The following KDM5A variants were observed in gnomAD, a reference collection of about 807,000 sequenced individuals.
KDM5A encodes the protein lysine demethylase 5A.
Under a neutral mutation model 193.5 loss-of-function variants are expected in KDM5A, and 42 were observed. The ratio of observed to expected loss-of-function variants is 0.22; its 90% confidence interval spans 0.17 to 0.28. The LOEUF is 0.28. KDM5A is among the 10% of genes least tolerant of loss of function. KDM5A has a pLI of 1.00. For missense variants in KDM5A, 1,692 were observed against 2,055.1 expected, an observed-to-expected ratio of 0.82 and a Z score of 3.42; for synonymous variants, 796 against 718.1, an observed-to-expected ratio of 1.11 and a Z score of -1.73.
Position 280,499 on chromosome 12 carries a change from CAG to C in KDM5A, c.*4955_*4956del. 1 of 233,084 alleles carries C rather than the reference CAG, an allele frequency of 4.3e-6. No individual in the cohort carries two copies. The allele number at this position is 233,084 out of a possible 1,614,324, so 14.4% of individuals were successfully genotyped here. A position where few individuals can be genotyped will look rare whatever the true frequency, so the allele number is the denominator to read the frequency against. On this transcript the variant is annotated 3_prime_UTR_variant, in exon 28 of 28. Transcript: ENST00000399788. ...CAACCCTCCTCCTAACATACACATACAGAGTTACACATTTCATGAAACTGAGG... is the reference window on the plus strand; with the variant it reads ...CAACCCTCCTCCTAACATACACATACAGTTACACATTTCATGAAACTGAGG...
At chr12:388,685 G>A (rs532945673) in intron 1 of KDM5A, among the ~76,000 whole-genome samples, 1 of 152,178 alleles carries the variant, frequency 6.6e-6, no homozygotes, top group Non-Finnish European at 1.5e-5. Context: ...ACGGCTGAGA[G>A]AAAAGTATCA....
chr12:376,046 C>T (rs1944499798), intron 3 of KDM5A, among the ~76,000 whole-genome samples: 1 of 152,226 alleles, frequency 6.6e-6, no homozygotes, highest in Admixed American at 6.5e-5. Flanking sequence ...CATAAGGAGG[C>T]AGTCTGCCCG....
chr12:292,682 C>T, intron 27 of KDM5A, 77 bp downstream of exon 27: 12 of 1,570,460 alleles, frequency 7.6e-6, no homozygotes, highest in Admixed American at 3.3e-5. Context: ...ACATACTACA[C>T]ATTGATATCA....
At chr12:312,317 T>C (rs1465587527) in intron 20 of KDM5A, among the ~76,000 whole-genome samples, 1 of 152,178 alleles carries the variant, frequency 6.6e-6, no homozygotes, top group Non-Finnish European at 1.5e-5. Flanking sequence ...TAAGTCCTAT[T>C]TTTATACCCT....
At chr12:358,518 A>G (rs1944253697) in intron 5 of KDM5A, among the ~76,000 whole-genome samples, 1 of 152,252 alleles carries the variant, frequency 6.6e-6, no homozygotes. Context: ...TAAATAGTAT[A>G]TGCCATATCT....
In KDM5A at chr12:307,872, C is replaced by T; in HGVS notation, c.3512G>A (p.Ser1171Asn). 6.2e-7 allele frequency: 1 copy of T among 1,614,150 alleles called. No homozygotes were observed. The highest frequency in any genetic ancestry group is 8.5e-7 in the Non-Finnish European group (1 of 1,180,008). The stretch of plus-strand genomic sequence containing the variant: ...GAGCTCACACTGTAGCATAAACCCA[C>T]TGGCTGTCTTGCGGCAAATGCAAAA... ...VKFCICRKTA[S>N]GFMLQCELCK... Residue 1171 changes from serine (S) to asparagine (N), a missense_variant, in exon 23 of 28, where the codon AGT becomes AAT. This residue lies in a region of KDM5A where 965 missense variants were observed against 1,061.0 expected (regional missense o/e 0.91). Transcript: ENST00000399788. The surrounding 1 kb of genome is among the most constrained non-coding windows in gnomAD (Gnocchi z 4.3).
Position 389,097 on chromosome 12 carries a change from C to A in KDM5A, c.-6G>T, listed in dbSNP as rs1464279660. On this transcript the variant is annotated 5_prime_UTR_variant, in exon 1 of 28. Coordinates refer to ENST00000399788, the MANE Select transcript of KDM5A (RefSeq NM_001042603.3). ...CCCGGCCCCACGCCCGCCATTGCAA[C>A]GGCCGGGGGGGGGGGGGGGTCCCCG... 2 of 1,370,610 alleles carry A rather than the reference C, an allele frequency of 1.5e-6. No individual in the cohort carries two copies. Among genetic ancestry groups the A allele is most frequent in the African/African-American group, 2.3e-5 (1 of 43,210 alleles). 84.9% of individuals were successfully genotyped at this position (1,370,610 alleles called of 1,614,324 possible). A position where few individuals can be genotyped will look rare whatever the true frequency, so the allele number is the denominator to read the frequency against.
chr12:313,280 C>T, intron 19 of KDM5A, 86 bp from the exon 20 acceptor site: 2 of 1,451,854 alleles, frequency 1.4e-6, no homozygotes, highest in Admixed American at 3.5e-5. Context: ...CTTTCATTTA[C>T]ATGATTTCAC....
chr12:377,720 G>A (rs1354423125), intron 3 of KDM5A, among the ~76,000 whole-genome samples: 3 of 152,072 alleles, frequency 2.0e-5, no homozygotes, highest in Non-Finnish European at 4.4e-5. Context: ...CAGAAGAAAT[G>A]TTTCACCAAA....
chr12:296,265 T>G (rs1943371549), intron 25 of KDM5A, among the ~76,000 whole-genome samples: 1 of 147,758 alleles, frequency 6.8e-6, no homozygotes, highest in Non-Finnish European at 1.5e-5. Context: ...GAGGTTGCAG[T>G]GAGCCAAGAT....
chr12:385,954 G>C lies in KDM5A; in HGVS notation c.186C>G (p.Ala62=), dbSNP rs1944632817. Residue 62 remains alanine, a synonymous_variant, in exon 2 of 28, where the codon GCC becomes GCG. Transcript: ENST00000399788. ...TGAAACGAAAGCTTTTTACTTCACA[G>C]GCAAATGGAGGCTGCCAGTCCTAAA... The part of the protein sequence containing the change: ...RPPKDWQPPF[A]CEVKSFRFTP... 2 of 1,613,636 alleles carry C rather than the reference G, an allele frequency of 1.2e-6. No individual in the cohort carries two copies. Among genetic ancestry groups the C allele is most frequent in the African/African-American group, 2.7e-5 (2 of 75,010 alleles).
intron 5 of KDM5A, among the ~76,000 whole-genome samples, chr12:361,656 G>A (rs1254309224): frequency 1.3e-5 from 2 of 152,046 alleles, no homozygotes; most frequent in African/African-American, 4.8e-5. Flanking sequence ...CATGTCAAAG[G>A]GACTAGCAAT....
At position 328,839 on chromosome 12, in the gene KDM5A, T is replaced by A. The variant is rs769079302; in HGVS notation, c.1964A>T (p.Gln655Leu). ...EETRLRESVV[Q>L]MGVLMSEEEV... ...AAATGTGCTCAGCAAACTCACCATC[T>A]GTACAACAGACTCTCTTAATCGTGT... Residue 655 changes from glutamine (Q) to leucine (L), a missense_variant, in exon 14 of 28, where the codon CAG (glutamine) becomes CTG (leucine). Physicochemically the swap from Gln to Leu is moderately radical, Grantham distance 113. This residue lies in a region of KDM5A where 88 missense variants were observed against 124.6 expected (regional missense o/e 0.71). Coordinates refer to ENST00000399788, the MANE Select transcript of KDM5A (RefSeq NM_001042603.3). 3.1e-6 allele frequency: 5 copies of A among 1,613,762 alleles called. No individual in the cohort carries two copies. Among genetic ancestry groups the A allele is most frequent in the Non-Finnish European group, 4.2e-6 (5 of 1,179,992 alleles).
intron 3 of KDM5A, among the ~76,000 whole-genome samples, chr12:370,317 C>G (rs1944410667): frequency 6.6e-6 from 1 of 152,158 alleles, no homozygotes; most frequent in African/African-American, 2.4e-5. Context: ...CACTTGAACC[C>G]AGGAGGCGGG....
intron 10 of KDM5A, 83 bp from the exon 11 acceptor site, chr12:334,505 AT>A: frequency 3.6e-6 from 4 of 1,121,838 alleles, no homozygotes; most frequent in African/African-American, 1.6e-5. Flanking sequence ...TTCCCAGAAA[AT>A]TTTTTTATAA....
chr12:332,940 A>T (rs12831753), intron 12 of KDM5A: 5,263 of 159,286 alleles, frequency 0.033, 139 homozygotes, highest in Non-Finnish European at 0.051. Flanking sequence ...ATAGAAGGTT[A>T]TATGAATAGG....
chr12:368,684 T>C (rs546296511), intron 3 of KDM5A, among the ~76,000 whole-genome samples: 96 of 152,224 alleles, frequency 6.3e-4, no homozygotes, highest in African/African-American at 1.4e-3. Context: ...GTGAGCCAGA[T>C]TGCACCACTG....
Position 295,779 on chromosome 12 carries a change from T to C in KDM5A, c.4249A>G (p.Arg1417Gly), listed in dbSNP as rs888483118. Residue 1417 changes from arginine to glycine, a missense_variant, in exon 26 of 28, where the codon AGG (arginine) becomes GGG (glycine). Transcript: ENST00000399788. ...KSCSQGSSTP[R>G]KQPRKSPLVP... ...AAAGGGCTCTTCCGAGGTTGTTTCC[T>C]TGGGGTGCTAGAACCTTTCCCAAAA... 9 of 1,614,082 alleles carry C rather than the reference T, an allele frequency of 5.6e-6. No homozygotes were observed. The highest frequency in any genetic ancestry group is 7.6e-6 in the Non-Finnish European group (9 of 1,179,970).
At chr12:330,915 G>A (rs1003093785) in intron 13 of KDM5A, among the ~76,000 whole-genome samples, 3 of 152,108 alleles carry the variant, frequency 2.0e-5, no homozygotes, top group Admixed American at 6.5e-5. Flanking sequence ...TAAAGTCAGT[G>A]TGTATCATAA....
Sources: allele counts gnomAD v4.1 joint callset (sites outside exome capture counted in the v4.1 genomes callset), GRCh38; gene constraint gnomAD v4.1.1; regional missense constraint gnomAD v4.1.1; non-coding constraint Gnocchi (gnomAD v3.1); transcripts MANE v1.5; gene names NCBI Gene and HGNC (gene_info 2026-07-23, HGNC 2026-07-21).